The following ESR1 variants were observed in gnomAD, a reference collection of about 807,000 sequenced individuals.
ESR1 encodes the protein estrogen receptor.
ESR1 carries 12 observed loss-of-function variants against 52.7 expected under a neutral mutation model. The observed-to-expected ratio is 0.23, with a 90% confidence interval of 0.15 to 0.37. ESR1 has a LOEUF of 0.37. ESR1 is among the 10% of genes least tolerant of loss of function. The probability of loss-of-function intolerance (pLI) is 1.00; values close to 1 mark genes in which losing one functional copy is unlikely to be tolerated. For synonymous variants in ESR1, 305 were observed against 316.8 expected, an observed-to-expected ratio of 0.96 and a Z score of 0.39; for missense variants, 584 against 779.7, an observed-to-expected ratio of 0.75 and a Z score of 2.99.
intron 6 of ESR1, among the ~76,000 whole-genome samples, chr6:152,076,854 G>A (rs1398619501): frequency 6.6e-6 from 1 of 152,170 alleles, no homozygotes; most frequent in African/African-American, 2.4e-5. Flanking sequence ...AAGGTGACTT[G>A]GGTGTTGTTA....
intron 4 of ESR1, among the ~76,000 whole-genome samples, chr6:152,001,488 G>A (rs898790776): frequency 6.6e-6 from 1 of 151,988 alleles, no homozygotes; most frequent in African/African-American, 2.4e-5. Flanking sequence ...CCTCAACTCT[G>A]TACACTGCTA....
At chr6:151,735,781 C>T (rs972624775) in intron 2 of ESR1, among the ~76,000 whole-genome samples, 5 of 152,080 alleles carry the variant, frequency 3.3e-5, no homozygotes, top group African/African-American at 1.2e-4. Context: ...CCACTCAAGT[C>T]TTATCTCGAA....
chr6:152,006,791 C>G (rs1251481200), intron 4 of ESR1, among the ~76,000 whole-genome samples: 1 of 151,994 alleles, frequency 6.6e-6, no homozygotes, highest in Non-Finnish European at 1.5e-5. Context: ...TTGGGGTCAT[C>G]ATATGACTGA....
chr6:151,997,045 T>C (rs1026456552), intron 4 of ESR1, among the ~76,000 whole-genome samples: 2 of 151,702 alleles, frequency 1.3e-5, no homozygotes, highest in Non-Finnish European at 2.9e-5. Flanking sequence ...ACTGTCCCTA[T>C]GTAAGTAGAC....
intron 4 of ESR1, among the ~76,000 whole-genome samples, chr6:151,955,250 AAACTT>A (rs2036772686): frequency 1.3e-5 from 2 of 152,340 alleles, no homozygotes; most frequent in South Asian, 2.1e-4. Flanking sequence ...TTAATAAACT[AAACTT>A]AACATACCAT....
At chr6:152,077,828 G>A (rs9478284) in intron 6 of ESR1, among the ~76,000 whole-genome samples, 7 of 152,038 alleles carry the variant, frequency 4.6e-5, no homozygotes, top group South Asian at 2.1e-4. Flanking sequence ...GCCTAAACCC[G>A]CATTGTATCT....
At chr6:152,017,586 T>C (rs982290408) in intron 5 of ESR1, among the ~76,000 whole-genome samples, 8 of 152,048 alleles carry the variant, frequency 5.3e-5, no homozygotes, top group African/African-American at 1.9e-4. Flanking sequence ...CCTAATCCTT[T>C]GGTGTGTTTT....
chr6:151,845,539 A>G (rs1784969602), intron 2 of ESR1, among the ~76,000 whole-genome samples: 1 of 152,234 alleles, frequency 6.6e-6, no homozygotes, highest in Admixed American at 6.5e-5. Context: ...ACTGCCGTCC[A>G]GCCTGGTGAC....
chr6:151,987,121 A>T (rs981917097), intron 4 of ESR1, among the ~76,000 whole-genome samples: 1 of 151,646 alleles, frequency 6.6e-6, no homozygotes, highest in Non-Finnish European at 1.5e-5. Context: ...CCTGGGTCCA[A>T]ATGGGCTTTG....
At chr6:152,106,794 T>A (rs1334273130), downstream of ESR1, among the ~76,000 whole-genome samples, 2 of 152,070 alleles carry the variant, frequency 1.3e-5, no homozygotes, top group African/African-American at 4.8e-5. Flanking sequence ...ATTGTAGAGA[T>A]GAGGTCTCAT....
chr6:151,776,914 A>G (rs1043505341), intron 2 of ESR1, among the ~76,000 whole-genome samples: 1 of 151,190 alleles, frequency 6.6e-6, no homozygotes, highest in East Asian at 1.9e-4. Context: ...GCATTTTTTT[A>G]TAGGGAGATA....
intron 1 of ESR1, among the ~76,000 whole-genome samples, chr6:151,671,149 A>G (rs1778042591): frequency 6.6e-6 from 1 of 152,214 alleles, no homozygotes; most frequent in Non-Finnish European, 1.5e-5. Context: ...AAGTAAAATA[A>G]TACATAGAAA....
chr6:152,002,188 G>A (rs1184864549), intron 4 of ESR1, among the ~76,000 whole-genome samples: 5 of 104,712 alleles, frequency 4.8e-5, no homozygotes, highest in Non-Finnish European at 8.6e-5. Flanking sequence ...TAAATCAAGT[G>A]TGTGTGTGTG....
chr6:151,876,680 G>A (rs993143033), intron 2 of ESR1, among the ~76,000 whole-genome samples: 3 of 152,076 alleles, frequency 2.0e-5, no homozygotes, highest in Admixed American at 6.5e-5. Context: ...GGGTGGGCCC[G>A]GTGATTCCTA....
intron 5 of ESR1, among the ~76,000 whole-genome samples, chr6:152,043,927 T>C (rs972360030): frequency 2.6e-5 from 4 of 152,182 alleles, no homozygotes; most frequent in African/African-American, 9.7e-5. Flanking sequence ...GTGTCTGATT[T>C]TCCGCAATTT....
chr6:152,067,225 A>G (rs2048030920), intron 6 of ESR1, among the ~76,000 whole-genome samples: 1 of 152,178 alleles, frequency 6.6e-6, no homozygotes, highest in African/African-American at 2.4e-5. Flanking sequence ...TGTTGCAGAG[A>G]TTCTCTTGGA....
chr6:151,804,076 G>A (rs1205332582), upstream of ESR1, among the ~76,000 whole-genome samples: 1 of 121,186 alleles, frequency 8.3e-6, no homozygotes. Flanking sequence ...AGGGAGGGAA[G>A]CCAAGAGAGC....
chr6:152,127,435 T>C (rs1200606594), exon 7 of ESR1: 2 of 152,208 alleles, frequency 1.3e-5, no homozygotes, highest in Non-Finnish European at 2.9e-5. Flanking sequence ...TAAATGAATG[T>C]CAGCAGCTTA....
Position 152,068,968 on chromosome 6 carries a change from TA to T in ESR1, c.1369+7846del, listed in dbSNP as rs2048181792. Among the ~76,000 whole-genome samples, 2 of 122,324 alleles carry T rather than the reference TA, an allele frequency of 1.6e-5. 1 individual carries two copies. 80.2% of individuals were successfully genotyped at this position (122,324 alleles called of 152,430 possible). A position where few individuals can be genotyped will look rare whatever the true frequency, so the allele number is the denominator to read the frequency against. The stretch of plus-strand genomic sequence containing the variant: ...TATGAGTTCAGGGTTGTAATGAAAG[TA>T]AGTATTGAGTGCTGCAGAGACCCAG... On this transcript the variant is annotated intron_variant, in intron 6 of 7. Coordinates refer to ENST00000206249, the MANE Select transcript of ESR1 (RefSeq NM_000125.4).
Sources: gnomAD v4.1 joint callset for allele counts (sites outside exome capture counted in the v4.1 genomes callset) on GRCh38, gnomAD v4.1.1 for gene constraint, MANE v1.5 for transcripts, NCBI Gene and HGNC (gene_info 2026-07-23, HGNC 2026-07-21) for gene names.